MALRD1: variants seen among roughly 807,000 people sequenced by gnomAD.
The protein encoded by MALRD1 is MAM and LDL receptor class A domain containing 1, also known as MAM and LDL-receptor class A domain-containing protein 1.
MALRD1 carries 247 observed loss-of-function variants against 242.1 expected under a neutral mutation model. The observed-to-expected ratio is 1.02, with a 90% CI of 0.92 to 1.13. The LOEUF is 1.13. Ranked by LOEUF, MALRD1 falls within the 50% of genes most tolerant of loss-of-function variation. MALRD1 has a pLI of 0.00. For missense variants in MALRD1, 2,989 were observed against 2,533.1 expected (o/e 1.18, Z -3.86); for synonymous variants, 995 against 866.6 (o/e 1.15, Z -2.60).
rs759078811 is a variant in MALRD1 at position 19,331,453 on chromosome 10, C to T, written c.3772C>T (p.Leu1258Phe). 3 of 1,550,388 alleles carry T rather than the reference C, an allele frequency of 1.9e-6. No individual in the cohort carries two copies. Among genetic ancestry groups the T allele is most frequent in the Non-Finnish European group, 2.6e-6 (3 of 1,146,866 alleles). ...TTCCTTCCAAGATTGCTCCCCTTTG[C>T]TTAGCCCAGAGAGAAAGTGTACTGA... Reference protein sequence around the residue: ...DISFQDCSPLLSPERKCTDHE... With the variant: ...DISFQDCSPLFSPERKCTDHE... The change falls in exon 24 of 40, where the codon CTT becomes TTT. Residue 1258 changes from leucine (L) to phenylalanine (F), a missense_variant. Transcript: ENST00000454679.
At chr10:19,564,276 A>C (rs1260441135) in intron 32 of MALRD1, among the ~76,000 whole-genome samples, 2 of 152,166 alleles carry the variant, frequency 1.3e-5, no homozygotes, top group African/African-American at 4.8e-5. Context: ...TTTCTTCATC[A>C]AAAAATTTAA....
At chr10:19,129,241 G>A (rs1837378306) in intron 8 of MALRD1, among the ~76,000 whole-genome samples, 2 of 152,044 alleles carry the variant, frequency 1.3e-5, no homozygotes, top group Non-Finnish European at 2.9e-5. Context: ...GCTATAAATT[G>A]GAGTTCCCAT....
Position 19,352,098 on chromosome 10 carries a change from C to A in MALRD1, c.4242C>A (p.Asn1414Lys), listed in dbSNP as rs373335851. The change falls in exon 26 of 40, where the codon AAC becomes AAA. Residue 1414 changes from asparagine (N) to lysine (K), a missense_variant. Coordinates refer to ENST00000454679, the MANE Select transcript of MALRD1 (RefSeq NM_001142308.3). ...SVTNQTKVLLNLTVEQGNFWR... is the reference protein window; with the variant it reads ...SVTNQTKVLLKLTVEQGNFWR... Reference sequence around the variant, plus strand: ...CAAACCAAACGAAGGTTCTACTTAACCTCACTGTAGAACAAGGCAATTTCT... The same window carrying A: ...CAAACCAAACGAAGGTTCTACTTAAACTCACTGTAGAACAAGGCAATTTCT... The A allele has an allele frequency of 3.9e-6, 6 of 1,550,484 alleles. No individual in the cohort carries two copies. The highest frequency in any genetic ancestry group is 4.4e-6 in the Non-Finnish European group (5 of 1,146,870).
At chr10:19,527,483 A>G (rs544239423) in intron 31 of MALRD1, among the ~76,000 whole-genome samples, 8 of 152,350 alleles carry the variant, frequency 5.3e-5, no homozygotes, top group Non-Finnish European at 7.4e-5. Flanking sequence ...GAACCTAATT[A>G]CTAATTTACC....
At chr10:19,267,833 G>C (rs1335921931) in intron 19 of MALRD1, among the ~76,000 whole-genome samples, 2 of 152,020 alleles carry the variant, frequency 1.3e-5, no homozygotes, top group African/African-American at 4.8e-5. Context: ...AAAGAAATTT[G>C]AGCCTTGGTG....
intron 21 of MALRD1, among the ~76,000 whole-genome samples, chr10:19,298,004 T>A (rs1841784652): frequency 6.6e-6 from 1 of 151,994 alleles, no homozygotes; most frequent in African/African-American, 2.4e-5. Context: ...TCTTCATCCA[T>A]TTTGTGTTGC....
At chr10:19,182,824 A>G (rs1261649239) in intron 14 of MALRD1, among the ~76,000 whole-genome samples, 1 of 152,142 alleles carries the variant, frequency 6.6e-6, no homozygotes, top group East Asian at 1.9e-4. Context: ...AATATGTCAA[A>G]TGGTCACTTA....
chr10:19,143,760 G>A (rs1387837083), intron 10 of MALRD1, among the ~76,000 whole-genome samples: 2 of 152,184 alleles, frequency 1.3e-5, no homozygotes, highest in African/African-American at 2.4e-5. Context: ...GGCCAAATAT[G>A]TACTTTGAGT....
chr10:19,341,511 T>C (rs1164902387), intron 24 of MALRD1, among the ~76,000 whole-genome samples: 1 of 142,706 alleles, frequency 7.0e-6, no homozygotes, highest in Non-Finnish European at 1.5e-5. Flanking sequence ...TGTATATATA[T>C]GTGTGTATAT....
At chr10:19,182,478 T>C (rs35042414) in intron 14 of MALRD1, among the ~76,000 whole-genome samples, 45,301 of 150,758 alleles carry the variant, frequency 0.3, 7,109 homozygotes, top group Admixed American at 0.37. Context: ...GCGCCCGCCA[T>C]CACGCCCGGC....
At chr10:19,338,208 C>A (rs1004197754) in intron 24 of MALRD1, among the ~76,000 whole-genome samples, 1 of 98,722 alleles carries the variant, frequency 1.0e-5, no homozygotes, top group African/African-American at 3.7e-5. Context: ...TACATTAGGT[C>A]TCACTCTTGG....
chr10:19,270,697 A>C (rs1310935661), intron 19 of MALRD1, among the ~76,000 whole-genome samples: 1 of 152,162 alleles, frequency 6.6e-6, no homozygotes, highest in Admixed American at 6.6e-5. Context: ...CAGCAAGAAC[A>C]GAAGTCAGAG....
chr10:19,454,816 G>C lies in MALRD1; in HGVS notation c.5029+4326G>C, dbSNP rs139339763. On this transcript the variant is annotated intron_variant, in intron 29 of 39. Transcript: ENST00000454679. ...ATCTACTTTAGCTGCAAATAGGAAA[G>C]CTATTTAAGTTTCATATTTCTTTCT... Among the ~76,000 whole-genome samples, 21 of 151,684 alleles carry C rather than the reference G, an allele frequency of 1.4e-4. No homozygotes were observed. In the East Asian group the frequency reaches 3.1e-3, roughly 22 times the overall value.
chr10:19,415,197 A>T (rs1369969139), intron 28 of MALRD1, among the ~76,000 whole-genome samples: 1 of 152,208 alleles, frequency 6.6e-6, no homozygotes, highest in Non-Finnish European at 1.5e-5. Context: ...ATAATTTTTA[A>T]ATGTGTTAAA....
At chr10:19,488,503 TAG>T (rs1222178213) in intron 29 of MALRD1, 2 of 153,094 alleles carry the variant, frequency 1.3e-5, no homozygotes, top group African/African-American at 2.4e-5. Flanking sequence ...AAGACAAAAG[TAG>T]AGAGAGAGAA....
chr10:19,496,025 C>G (rs552518282), intron 30 of MALRD1, among the ~76,000 whole-genome samples: 3 of 152,272 alleles, frequency 2.0e-5, no homozygotes, highest in East Asian at 1.9e-4. Context: ...ACCTAACTAT[C>G]CTAAATATAT....
At chr10:19,590,307 TTATA>T (rs1319057849) in intron 33 of MALRD1, among the ~76,000 whole-genome samples, 8 of 147,690 alleles carry the variant, frequency 5.4e-5, no homozygotes, top group Non-Finnish European at 1.2e-4. Flanking sequence ...ATTATATATG[TTATA>T]TATGTATATA....
intron 21 of MALRD1, among the ~76,000 whole-genome samples, chr10:19,295,557 G>C (rs1841655909): frequency 6.6e-6 from 1 of 151,808 alleles, no homozygotes; most frequent in South Asian, 2.1e-4. Context: ...AATATTTATT[G>C]TGATATTTGT....
At chr10:19,118,657 T>G (rs1564403143) in intron 5 of MALRD1, among the ~76,000 whole-genome samples, 1 of 152,158 alleles carries the variant, frequency 6.6e-6, no homozygotes. Context: ...CTACCAGTAA[T>G]TGCAAAAGGG....
Sources: allele counts gnomAD v4.1 joint callset (sites outside exome capture counted in the v4.1 genomes callset), GRCh38; gene constraint gnomAD v4.1.1; transcripts MANE v1.5; gene names NCBI Gene and HGNC (gene_info 2026-07-23, HGNC 2026-07-21).